The following MARCHF8 variants were observed in gnomAD, a reference collection of about 807,000 sequenced individuals.
MARCHF8 encodes membrane associated ring-CH-type finger 8.
A neutral mutation model predicts 51.6 loss-of-function variants in MARCHF8; 40 were observed. The ratio of observed to expected loss-of-function variants is 0.77; its 90% confidence interval spans 0.60 to 1.01. The LOEUF (loss-of-function observed/expected upper bound fraction) is 1.01, where lower values mean the gene tolerates loss of function less well. MARCHF8 is among the 50% of genes least tolerant of loss of function. The probability of loss-of-function intolerance (pLI) is 0.00; values close to 1 mark genes in which losing one functional copy is unlikely to be tolerated. For missense variants in MARCHF8, 685 were observed against 708.6 expected, an observed-to-expected ratio of 0.97 and a Z score of 0.38; for synonymous variants, 263 against 280.3, an observed-to-expected ratio of 0.94 and a Z score of 0.62.
In MARCHF8 at chr10:45,458,021, T is replaced by C. The variant is rs533420326; in HGVS notation, c.*218A>G. 3.8e-5 allele frequency: 21 copies of C among 550,612 alleles called. No individual in the cohort carries two copies. The highest frequency in any genetic ancestry group is 4.7e-4 in the Middle Eastern group (1 of 2,150). 34.1% of individuals were successfully genotyped at this position (550,612 alleles called of 1,614,324 possible). A position where few individuals can be genotyped will look rare whatever the true frequency, so the allele number is the denominator to read the frequency against. On this transcript the variant is annotated 3_prime_UTR_variant, in exon 8 of 8. Coordinates refer to ENST00000453424, the MANE Select transcript of MARCHF8 (RefSeq NM_001282866.2). ...GATGTCATCATGGGGTCTTCCACTT[T>C]CCCACAGAGCTGCCAGGCAGAGGCA...
intron 3 of MARCHF8, among the ~76,000 whole-genome samples, chr10:45,487,652 G>T (rs2043006513): frequency 6.6e-6 from 1 of 152,174 alleles, no homozygotes; most frequent in South Asian, 2.1e-4. Context: ...AAAATATTTT[G>T]TGAAAGGCAT....
intron 6 of MARCHF8, chr10:45,459,657 GGAA>G: frequency 2.1e-6 from 2 of 957,952 alleles, no homozygotes; most frequent in Non-Finnish European, 2.5e-6. Context: ...ATGGACGAGC[GGAA>G]GAAGAGGGTT....
chr10:45,583,319 A>C (rs1371524398), intron 1 of MARCHF8, among the ~76,000 whole-genome samples: 1 of 152,204 alleles, frequency 6.6e-6, no homozygotes, highest in Non-Finnish European at 1.5e-5. Context: ...ACCAATTGCC[A>C]CTATCCAATT....
chr10:45,459,266 C>T lies in MARCHF8; in HGVS notation c.1271G>A (p.Trp424Ter). 6.2e-7 allele frequency: 1 copy of T among 1,613,914 alleles called. No individual in the cohort carries two copies. Among genetic ancestry groups the T allele is most frequent in the East Asian group, 2.2e-5 (1 of 44,874 alleles). The part of the protein sequence containing the change: ...METKLKPLRK[W>*]EKLQMTSSER... The stretch of plus-strand genomic sequence containing the variant: ...GCTGGACGTCATCTGCAACTTCTCC[C>T]ACTAGAAAGACAACACAGAGTGTGA... The change falls in exon 7 of 8, where the codon TGG becomes TAG. Residue 424 changes from tryptophan to a stop codon, truncating the protein, a stop_gained and splice_region_variant. Transcript: ENST00000453424. LOFTEE classifies it high-confidence loss of function.
At chr10:45,527,734 A>G (rs1339112314) in intron 2 of MARCHF8, among the ~76,000 whole-genome samples, 1 of 152,156 alleles carries the variant, frequency 6.6e-6, no homozygotes, top group African/African-American at 2.4e-5. Context: ...CCCAAATTGA[A>G]GAAAATCCTC....
At chr10:45,556,709 G>A (rs1476402133) in intron 1 of MARCHF8, among the ~76,000 whole-genome samples, 2 of 152,124 alleles carry the variant, frequency 1.3e-5, no homozygotes, top group African/African-American at 4.8e-5. Context: ...TTATTTCTCT[G>A]AATTATCAAC....
chr10:45,533,195 T>C lies in MARCHF8; in HGVS notation c.17A>G (p.His6Arg). 2 of 1,611,186 alleles carry C rather than the reference T, an allele frequency of 1.2e-6. No individual in the cohort carries two copies. Among genetic ancestry groups the C allele is most frequent in the Non-Finnish European group, 1.7e-6 (2 of 1,178,750 alleles). The change falls in exon 2 of 8, where the codon CAT becomes CGT. Residue 6 changes from histidine (H) to arginine (R), a missense_variant. Coordinates refer to ENST00000453424, the MANE Select transcript of MARCHF8 (RefSeq NM_001282866.2). MSMPL[H>R]QISAIPSQDA... ...CTGGGATGGAATGGCAGAGATCTGATGCAGTGGCATGCTCATCCCAACCTC... is the reference window on the plus strand; with the variant it reads ...CTGGGATGGAATGGCAGAGATCTGACGCAGTGGCATGCTCATCCCAACCTC...
chr10:45,488,616 G>T (rs1000861912), intron 3 of MARCHF8, among the ~76,000 whole-genome samples: 3 of 152,304 alleles, frequency 2.0e-5, no homozygotes, highest in Non-Finnish European at 4.4e-5. Flanking sequence ...CCAACAGAAG[G>T]TTTGCTGGAG....
At chr10:45,570,067 T>C (rs1026495392) in intron 1 of MARCHF8, among the ~76,000 whole-genome samples, 6 of 152,310 alleles carry the variant, frequency 3.9e-5, no homozygotes, top group East Asian at 1.9e-4. Flanking sequence ...CCTACCCTTT[T>C]ACAAAAAGAA....
rs764562032 is a variant in MARCHF8 at position 45,463,421 on chromosome 10, C to A, written c.818G>T (p.Ser273Ile). ...FSLSHGLSAS[S>I]LHRFHELESC... ...CTCCAGCTCATGGAACCTGTGCAGG[C>A]TGCTGGCGCTCAAGCCGTGCGAGAG... The change falls in exon 5 of 8, where the codon AGC becomes ATC. Residue 273 changes from serine (S) to isoleucine (I), a missense_variant. Ser to Ile is a moderately radical substitution (Grantham distance 142). Transcript: ENST00000453424. 6.4e-7 allele frequency: 1 copy of A among 1,550,626 alleles called. No homozygotes were observed. Among genetic ancestry groups the A allele is most frequent in the South Asian group, 1.2e-5 (1 of 84,064 alleles).
intron 6 of MARCHF8, chr10:45,461,011 G>A: frequency 2.5e-6 from 1 of 400,284 alleles, no homozygotes; most frequent in Admixed American, 4.5e-5. Flanking sequence ...ACTTTGAAGG[G>A]AAAAGAAGGA....
intron 1 of MARCHF8, among the ~76,000 whole-genome samples, chr10:45,564,623 T>C (rs1487206867): frequency 4.6e-5 from 7 of 152,092 alleles, no homozygotes; most frequent in Non-Finnish European, 7.3e-5. Context: ...TACTGACTTA[T>C]AAATCCAAAA....
intron 1 of MARCHF8, among the ~76,000 whole-genome samples, chr10:45,591,032 T>C (rs1318018999): frequency 1.3e-5 from 2 of 152,336 alleles, no homozygotes; most frequent in South Asian, 2.1e-4. Flanking sequence ...TTCTTTGTAA[T>C]TCTCCCCACC....
chr10:45,552,174 T>C (rs902419914), intron 1 of MARCHF8, among the ~76,000 whole-genome samples: 3 of 152,156 alleles, frequency 2.0e-5, no homozygotes, highest in Non-Finnish European at 2.9e-5. Context: ...GACTGTGATA[T>C]GTATACATAC....
intron 2 of MARCHF8, among the ~76,000 whole-genome samples, chr10:45,531,637 T>TCATA (rs2043887915): frequency 6.6e-6 from 1 of 152,192 alleles, no homozygotes; most frequent in African/African-American, 2.4e-5. Flanking sequence ...TCATATTCAC[T>TCATA]CATTCATTCA....
rs1442223355 is a variant in MARCHF8 at position 45,463,475 on chromosome 10, C to A, written c.764G>T (p.Ser255Ile). Residue 255 changes from serine (S) to isoleucine (I), a missense_variant, in exon 5 of 8, where the codon AGC (serine) becomes ATC (isoleucine). By Grantham distance (142) the Ser-to-Ile change is moderately radical. Coordinates refer to ENST00000453424, the MANE Select transcript of MARCHF8 (RefSeq NM_001282866.2). Reference sequence around the variant, plus strand: ...GAACAGGTACTGGAGCAGTTGCCGGCTTCGGGACGTGGCCTCACCATCCGC... The same window carrying A: ...GAACAGGTACTGGAGCAGTTGCCGGATTCGGGACGTGGCCTCACCATCCGC... ...EKADGEATSR[S>I]RQLLQYLFSL... The A allele has an allele frequency of 6.4e-7, 1 of 1,550,638 alleles. No individual in the cohort carries two copies. Among genetic ancestry groups the A allele is most frequent in the Admixed American group, 2.0e-5 (1 of 51,010 alleles).
At chr10:45,499,942 A>G (rs1204440703) in intron 2 of MARCHF8, among the ~76,000 whole-genome samples, 2 of 152,212 alleles carry the variant, frequency 1.3e-5, no homozygotes, top group Non-Finnish European at 2.9e-5. Context: ...TATAAATTAC[A>G]GGACAGATTT....
chr10:45,518,589 T>G (rs1357536042), intron 2 of MARCHF8, among the ~76,000 whole-genome samples: 1 of 152,160 alleles, frequency 6.6e-6, no homozygotes, highest in Non-Finnish European at 1.5e-5. Context: ...TGCCCAATAC[T>G]CTAGACGAGA....
chr10:45,484,021 T>C (rs549940110), intron 3 of MARCHF8, among the ~76,000 whole-genome samples: 2 of 152,288 alleles, frequency 1.3e-5, no homozygotes, highest in Non-Finnish European at 2.9e-5. Flanking sequence ...CAGTTAACAA[T>C]ATATTATATA....
Sources: allele counts gnomAD v4.1 joint callset (sites outside exome capture counted in the v4.1 genomes callset), GRCh38; gene constraint gnomAD v4.1.1; transcripts MANE v1.5; gene names NCBI Gene and HGNC (gene_info 2026-07-23, HGNC 2026-07-21).